The following HCN1 variants were observed in gnomAD, a reference collection of about 807,000 sequenced individuals.
The protein encoded by HCN1 is hyperpolarization activated cyclic nucleotide gated potassium channel 1, also known as potassium/sodium hyperpolarization-activated cyclic nucleotide-gated channel 1.
HCN1 carries 13 observed loss-of-function variants against 78.9 expected under a neutral mutation model. The ratio of observed to expected loss-of-function variants is 0.16; its 90% CI spans 0.11 to 0.26. The LOEUF (loss-of-function observed/expected upper bound fraction) is 0.26, where lower values mean the gene tolerates loss of function less well. HCN1 is among the 10% of genes least tolerant of loss of function. HCN1 has a pLI of 1.00. For synonymous variants in HCN1, 552 were observed against 455.5 expected (o/e 1.21, Z -2.70); for missense variants, 810 against 1,154.3 (o/e 0.70, Z 4.32).
chr5:45,614,209 C>A (rs527341768), intron 2 of HCN1, among the ~76,000 whole-genome samples: 2 of 152,192 alleles, frequency 1.3e-5, no homozygotes, highest in African/African-American at 4.8e-5. Flanking sequence ...TCTTATCTTG[C>A]GGATCAGAAG....
At chr5:45,463,358 T>C (rs1741204348) in intron 2 of HCN1, among the ~76,000 whole-genome samples, 1 of 152,004 alleles carries the variant, frequency 6.6e-6, no homozygotes, top group Non-Finnish European at 1.5e-5. Flanking sequence ...ATTCTTTCTT[T>C]AAACAATCTT....
intron 2 of HCN1, among the ~76,000 whole-genome samples, chr5:45,569,531 G>A (rs1383518484): frequency 6.6e-6 from 1 of 151,908 alleles, no homozygotes; most frequent in Non-Finnish European, 1.5e-5. Context: ...ATTTCACCAT[G>A]TTTAGAGTTC....
intron 2 of HCN1, among the ~76,000 whole-genome samples, chr5:45,605,669 C>A (rs568829041): frequency 6.6e-6 from 1 of 151,956 alleles, no homozygotes; most frequent in South Asian, 2.1e-4. Context: ...GTAGATAAAT[C>A]AATTAACAGT....
At chr5:45,357,880 G>A (rs1208815057) in intron 4 of HCN1, among the ~76,000 whole-genome samples, 25 of 152,028 alleles carry the variant, frequency 1.6e-4, no homozygotes, top group Non-Finnish European at 1.5e-5. Flanking sequence ...TCCCTCAGGC[G>A]TGAGTGAATT....
intron 2 of HCN1, among the ~76,000 whole-genome samples, chr5:45,587,769 T>G (rs1321347632): frequency 6.6e-6 from 1 of 152,174 alleles, no homozygotes; most frequent in Non-Finnish European, 1.5e-5. Flanking sequence ...TGTCATTAAC[T>G]GAATACTTGT....
At chr5:45,365,569 T>C (rs555499239) in intron 4 of HCN1, among the ~76,000 whole-genome samples, 1 of 152,102 alleles carries the variant, frequency 6.6e-6, no homozygotes, top group South Asian at 2.1e-4. Context: ...TATACCCACA[T>C]TTTCTTTATC....
chr5:45,567,407 A>G (rs1277742818), intron 2 of HCN1, among the ~76,000 whole-genome samples: 5 of 152,140 alleles, frequency 3.3e-5, no homozygotes, highest in African/African-American at 1.2e-4. Context: ...AGGAATATCC[A>G]TAAAAAAGGA....
chr5:45,468,751 A>G (rs576970880), intron 2 of HCN1, among the ~76,000 whole-genome samples: 1 of 152,148 alleles, frequency 6.6e-6, no homozygotes, highest in Non-Finnish European at 1.5e-5. Context: ...GAATCCTTTG[A>G]ACATTTTTGG....
intron 3 of HCN1, among the ~76,000 whole-genome samples, chr5:45,449,718 T>G (rs187120450): frequency 9.6e-4 from 146 of 152,312 alleles, no homozygotes; most frequent in African/African-American, 3.4e-3. Flanking sequence ...AATTTCTTTC[T>G]TAAAAAATGT....
chr5:45,515,176 T>G (rs1295979955), intron 2 of HCN1, among the ~76,000 whole-genome samples: 1 of 144,044 alleles, frequency 6.9e-6, no homozygotes, highest in Admixed American at 7.0e-5. Flanking sequence ...TGATAACTGC[T>G]GCTACACTTC....
At chr5:45,382,892 T>A (rs190987816) in intron 4 of HCN1, among the ~76,000 whole-genome samples, 316 of 152,284 alleles carry the variant, frequency 2.1e-3, no homozygotes, top group Middle Eastern at 6.8e-3. Context: ...TTTATTGTAA[T>A]GTTAGGAAAG....
intron 1 of HCN1, among the ~76,000 whole-genome samples, chr5:45,647,258 T>A (rs1745567480): frequency 6.6e-6 from 1 of 152,148 alleles, no homozygotes; most frequent in Non-Finnish European, 1.5e-5. Context: ...TGGTTTTATA[T>A]CTTCTCACAA....
chr5:45,327,158 G>A (rs1746252399), intron 5 of HCN1, among the ~76,000 whole-genome samples: 1 of 151,602 alleles, frequency 6.6e-6, no homozygotes, highest in African/African-American at 2.4e-5. Context: ...GTAGCAAGGT[G>A]TAAGAATGAT....
chr5:45,681,908 A>G (rs2112089637), intron 1 of HCN1, among the ~76,000 whole-genome samples: 1 of 152,246 alleles, frequency 6.6e-6, no homozygotes, highest in Non-Finnish European at 1.5e-5. Context: ...CAATAGATAG[A>G]ATGTTTATGT....
intron 5 of HCN1, among the ~76,000 whole-genome samples, chr5:45,332,632 C>G (rs1177310603): frequency 6.6e-6 from 1 of 151,256 alleles, no homozygotes; most frequent in Admixed American, 6.6e-5. Flanking sequence ...TCCCCATTAC[C>G]CTCCCACTAT....
chr5:45,611,583 A>T (rs1206223338), intron 2 of HCN1, among the ~76,000 whole-genome samples: 1 of 151,902 alleles, frequency 6.6e-6, no homozygotes, highest in Non-Finnish European at 1.5e-5. Context: ...CTACCATTAC[A>T]TTCTTAATAA....
intron 5 of HCN1, among the ~76,000 whole-genome samples, chr5:45,344,458 A>G (rs772915654): frequency 2.6e-5 from 4 of 152,226 alleles, no homozygotes; most frequent in Non-Finnish European, 5.9e-5. Context: ...TCAACAGTGC[A>G]AAGTCTCATC....
chr5:45,457,152 T>C (rs762590936), intron 3 of HCN1, among the ~76,000 whole-genome samples: 2 of 152,074 alleles, frequency 1.3e-5, no homozygotes, highest in Non-Finnish European at 2.9e-5. Flanking sequence ...GAATGTACTG[T>C]TTAGCTGAAA....
chr5:45,374,818 GTAGA>G (rs1270259689), intron 4 of HCN1, among the ~76,000 whole-genome samples: 5 of 146,672 alleles, frequency 3.4e-5, no homozygotes, highest in African/African-American at 7.5e-5. Flanking sequence ...CCATATATAT[GTAGA>G]TAGATAGATA....
Sources: gnomAD v4.1 joint callset for allele counts (sites outside exome capture counted in the v4.1 genomes callset) on GRCh38, gnomAD v4.1.1 for gene constraint, MANE v1.5 for transcripts, NCBI Gene and HGNC (gene_info 2026-07-23, HGNC 2026-07-21) for gene names.